FMNL2: variants seen among roughly 807,000 people sequenced by gnomAD.
FMNL2 encodes formin like 2.
FMNL2 carries 51 observed loss-of-function variants against 130.2 expected under a neutral mutation model. That is an observed-to-expected ratio of 0.39 (90% CI 0.31 to 0.49). The LOEUF is 0.49. Ranked by LOEUF, FMNL2 falls within the 20% of genes least tolerant of loss-of-function variation. The pLI is 0.85. For missense variants in FMNL2, 977 were observed against 1,316.2 expected (o/e 0.74, Z 3.99); for synonymous variants, 465 against 467.1 (o/e 1.00, Z 0.06).
rs1374419750 is a variant in FMNL2 at position 152,590,024 on chromosome 2, T to TATACATATAC, written c.876+8989_876+8998dup. On this transcript the variant is annotated intron_variant, in intron 9 of 25. Transcript: ENST00000288670. ...ATATATATATACATATACATATATA[T>TATACATATAC]ATACATATACATACATATACATATA... is the stretch of plus-strand genomic sequence containing the variant. Among the ~76,000 whole-genome samples, 42 of 140,164 alleles carry TATACATATAC rather than the reference T, an allele frequency of 3.0e-4. 1 individual carries two copies. The highest frequency in any genetic ancestry group is 1.1e-3 in the African/African-American group (41 of 36,382). The allele number at this position is 140,164 out of a possible 152,430, so 92.0% of individuals were successfully genotyped here.
intron 25 of FMNL2, among the ~76,000 whole-genome samples, chr2:152,646,855 G>C (rs550539504): frequency 6.6e-6 from 1 of 152,322 alleles, no homozygotes; most frequent in East Asian, 1.9e-4. Flanking sequence ...ATCAAAGGGA[G>C]GCTGCATAGC....
chr2:152,447,064 CT>C (rs1204412642), intron 1 of FMNL2, among the ~76,000 whole-genome samples: 1 of 150,898 alleles, frequency 6.6e-6, no homozygotes, highest in African/African-American at 2.4e-5. Context: ...AAAAAAGAGA[CT>C]TTGTCAATCT....
intron 1 of FMNL2, among the ~76,000 whole-genome samples, chr2:152,374,525 T>C (rs1276783292): frequency 6.6e-6 from 1 of 152,194 alleles, no homozygotes; most frequent in East Asian, 1.9e-4. Context: ...TCAGTCAAGA[T>C]GTTTGAAAAA....
At chr2:152,366,978 C>G (rs1394034274) in intron 1 of FMNL2, among the ~76,000 whole-genome samples, 1 of 152,022 alleles carries the variant, frequency 6.6e-6, no homozygotes, top group East Asian at 1.9e-4. Context: ...GAGTGAGACC[C>G]TGTCTCAATA....
intron 1 of FMNL2, among the ~76,000 whole-genome samples, chr2:152,412,455 T>TATATATA (rs1558840815): frequency 9.9e-4 from 7 of 7,064 alleles, no homozygotes; most frequent in Non-Finnish European, 2.2e-3. Context: ...TTTATATATA[T>TATATATA]ATATATATAT....
intron 11 of FMNL2, among the ~76,000 whole-genome samples, chr2:152,613,799 G>A (rs922640977): frequency 2.0e-5 from 3 of 152,180 alleles, no homozygotes; most frequent in Non-Finnish European, 4.4e-5. Flanking sequence ...CATGCACCAG[G>A]TATTATTCTA....
intron 4 of FMNL2, among the ~76,000 whole-genome samples, chr2:152,555,672 C>G (rs1579952794): frequency 6.6e-6 from 1 of 152,188 alleles, no homozygotes; most frequent in African/African-American, 2.4e-5. Context: ...TTTTCCAGCT[C>G]CTAAGCATCT....
At position 152,648,154 on chromosome 2, in the gene FMNL2, C is replaced by T; in HGVS notation, c.*249C>T. On this transcript the variant is annotated 3_prime_UTR_variant, in exon 26 of 26. Transcript: ENST00000288670. ...TTTGATTTGATTAGGTATCTTTTTACACCAGTATGTTATTTTTAACCAAAA... is the reference window on the plus strand; with the variant it reads ...TTTGATTTGATTAGGTATCTTTTTATACCAGTATGTTATTTTTAACCAAAA... The T allele has an allele frequency of 2.3e-6, 1 of 432,016 alleles. No individual in the cohort carries two copies. Among genetic ancestry groups the T allele is most frequent in the Non-Finnish European group, 4.1e-6 (1 of 244,602 alleles). 26.8% of individuals were successfully genotyped at this position (432,016 alleles called of 1,614,324 possible).
chr2:152,371,442 G>A (rs1294257107), intron 1 of FMNL2, among the ~76,000 whole-genome samples: 4 of 151,998 alleles, frequency 2.6e-5, no homozygotes, highest in African/African-American at 7.2e-5. Context: ...AGGCTGAGGC[G>A]GGCGGATCAT....
intron 9 of FMNL2, among the ~76,000 whole-genome samples, chr2:152,587,602 C>T (rs1441650651): frequency 6.6e-6 from 1 of 152,142 alleles, no homozygotes; most frequent in Non-Finnish European, 1.5e-5. Flanking sequence ...ATTGTGAGAG[C>T]CTTCCCTAGA....
In FMNL2 at chr2:152,522,006, T is replaced by G; in HGVS notation, c.181T>G (p.Trp61Gly). The change falls in exon 2 of 26, where the codon TGG becomes GGG. Residue 61 changes from tryptophan to glycine, a missense_variant. By Grantham distance (184) the Trp-to-Gly change is radical (BLOSUM62 -2). This residue lies in a region of FMNL2 where 117 missense variants were observed against 134.9 expected (regional missense o/e 0.87). Transcript: ENST00000288670. Reference sequence around the variant, plus strand: ...GCGGCAGTATGATAATGAGAAAAAATGGGAACTGATTTGTGATCAGGTAAG... The same window carrying G: ...GCGGCAGTATGATAATGAGAAAAAAGGGGAACTGATTTGTGATCAGGTAAG... The part of the protein sequence containing the change: ...LLRQYDNEKK[W>G]ELICDQERFQ... 6.2e-7 allele frequency: 1 copy of G among 1,610,904 alleles called. No individual in the cohort carries two copies. The highest frequency in any genetic ancestry group is 8.5e-7 in the Non-Finnish European group (1 of 1,179,136).
rs1035281620 is a variant in FMNL2 at position 152,335,571 on chromosome 2, C to A, written c.-33C>A. The A allele has an allele frequency of 1.7e-5, 27 of 1,543,648 alleles. No individual in the cohort carries two copies. Among genetic ancestry groups the A allele is most frequent in the Non-Finnish European group, 2.3e-5 (26 of 1,136,476 alleles). ...ATTTCCGACGCGCACGCTAGGGGCC[C>A]GGAGCAGCCCCCGGCCCCGGCGCGC... On this transcript the variant is annotated 5_prime_UTR_variant, in exon 1 of 26. Transcript: ENST00000288670.
At chr2:152,353,479 T>C (rs920622221) in intron 1 of FMNL2, among the ~76,000 whole-genome samples, 1 of 152,186 alleles carries the variant, frequency 6.6e-6, no homozygotes, top group Non-Finnish European at 1.5e-5. Flanking sequence ...AGAAAGTAAG[T>C]ATATGTCCCT....
At chr2:152,356,665 T>A (rs1349070470) in intron 1 of FMNL2, among the ~76,000 whole-genome samples, 1 of 152,170 alleles carries the variant, frequency 6.6e-6, no homozygotes, top group East Asian at 1.9e-4. Flanking sequence ...TCTGCTTTTT[T>A]GTTTCAGCAT....
At chr2:152,539,586 A>T (rs929308545) in intron 2 of FMNL2, among the ~76,000 whole-genome samples, 2 of 152,240 alleles carry the variant, frequency 1.3e-5, no homozygotes, top group Non-Finnish European at 2.9e-5. Context: ...AAGCTGCTCA[A>T]ACAAATGAAG....
chr2:152,606,251 A>G (rs1698351173), intron 9 of FMNL2, among the ~76,000 whole-genome samples: 1 of 152,272 alleles, frequency 6.6e-6, no homozygotes, highest in South Asian at 2.1e-4. Flanking sequence ...GGATTAAATT[A>G]GCAAAATGTT....
At chr2:152,479,886 CT>C (rs199526686) in intron 1 of FMNL2, among the ~76,000 whole-genome samples, 7 of 150,788 alleles carry the variant, frequency 4.6e-5, no homozygotes, top group African/African-American at 1.2e-4. Flanking sequence ...AATTTTTTGT[CT>C]TTTTTTTTGG....
chr2:152,448,159 G>T (rs1688450203), intron 1 of FMNL2, among the ~76,000 whole-genome samples: 2 of 151,600 alleles, frequency 1.3e-5, no homozygotes, highest in Admixed American at 6.6e-5. Context: ...GCTGCTTAAA[G>T]ATTTTGGCAG....
In FMNL2 at chr2:152,607,569, C is replaced by T. The variant is rs1580083773; in HGVS notation, c.951+156C>T. 6.9e-6 allele frequency: 4 copies of T among 582,182 alleles called. No homozygotes were observed. In the East Asian group the frequency reaches 1.2e-4, roughly 17 times the overall value. 36.1% of individuals were successfully genotyped at this position (582,182 alleles called of 1,614,324 possible). ...ATGCTATAGATCCAATCTAGAATGT[C>T]CCTCTTAATCTGTATTTCTCTTTGA... On this transcript the variant is annotated intron_variant, in intron 10 of 25. Transcript: ENST00000288670.
Sources: allele counts gnomAD v4.1 joint callset (sites outside exome capture counted in the v4.1 genomes callset), GRCh38; gene constraint gnomAD v4.1.1; regional missense constraint gnomAD v4.1.1; transcripts MANE v1.5; gene names NCBI Gene and HGNC (gene_info 2026-07-23, HGNC 2026-07-21).